CLEC20A: variants seen among roughly 807,000 people sequenced by gnomAD.
CLEC20A encodes putative C-type lectin domain family 20 member A.
chr1:178,479,788 C>A (rs1030560857), intron 7 of CLEC20A, 173 bp from the exon 8 acceptor site: 33 of 332,092 alleles, frequency 9.9e-5, no homozygotes, highest in East Asian at 1.3e-4. Flanking sequence ...TAGGAAAATA[C>A]ATAAATTAAT....
At chr1:178,482,093 CAAAA>C (rs959378665) in intron 7 of CLEC20A, 1 of 313,472 alleles carries the variant, frequency 3.2e-6, no homozygotes. Context: ...AAAAAAACAA[CAAAA>C]AAAAAAACTT....
At chr1:178,482,089 AC>A (rs145151605) in intron 7 of CLEC20A, 45 of 367,580 alleles carry the variant, frequency 1.2e-4, no homozygotes, top group African/African-American at 2.3e-4. Flanking sequence ...AAACAAAAAA[AC>A]AACAAAAAAA....
chr1:178,494,752 C>T lies in CLEC20A; in HGVS notation c.99G>A (p.Trp33Ter), dbSNP rs1649345821. The T allele has an allele frequency of 2.5e-6, 1 of 399,314 alleles. No individual in the cohort carries two copies. The highest frequency in any genetic ancestry group is 4.4e-5 in the Admixed American group (1 of 22,734). The allele number at this position is 399,314 out of a possible 1,614,324, so 24.7% of individuals were successfully genotyped here. A position where few individuals can be genotyped will look rare whatever the true frequency, so the allele number is the denominator to read the frequency against. ...GCCGGCAGTGCTGCTGGGCGTCGTA[C>T]CAGCTCAGCGCCTCCTTCACCAGAA... Residue 33 changes from tryptophan (W) to a stop codon, truncating the protein, a stop_gained, in exon 2 of 8, where the codon TGG becomes TGA. Coordinates refer to ENST00000623247, the Ensembl canonical transcript of CLEC20A. LOFTEE classifies it high-confidence loss of function.
At chr1:178,497,278 A>G (rs1649420783), upstream of CLEC20A, 1 of 282,248 alleles carries the variant, frequency 3.5e-6, no homozygotes, top group East Asian at 6.0e-5. Context: ...TCTCAGCCCC[A>G]CTCTCCCCAA....
chr1:178,484,185 C>T (rs936265156), intron 5 of CLEC20A: 3 of 152,114 alleles, frequency 2.0e-5, no homozygotes, highest in African/African-American at 7.2e-5. Context: ...ATGTGTGTAC[C>T]TCATATTACT....
At chr1:178,489,205 A>C (rs1558028842) in intron 4 of CLEC20A, among the ~76,000 whole-genome samples, 1 of 152,212 alleles carries the variant, frequency 6.6e-6, no homozygotes, top group East Asian at 1.9e-4. Context: ...TCTACCAAAA[A>C]TACAAAAATT....
intron 5 of CLEC20A, among the ~76,000 whole-genome samples, chr1:178,485,126 T>C (rs1247826710): frequency 6.6e-6 from 1 of 152,260 alleles, no homozygotes; most frequent in Non-Finnish European, 1.5e-5. Context: ...TTCCTAAGCA[T>C]TGCTATTTCC....
intron 3 of CLEC20A, among the ~76,000 whole-genome samples, chr1:178,492,135 A>G (rs1649279049): frequency 6.6e-6 from 1 of 152,198 alleles, no homozygotes; most frequent in East Asian, 1.9e-4. Context: ...AATACAAAAA[A>G]TTAGCTGGGC....
intron 2 of CLEC20A, 114 bp from the exon 3 acceptor site, chr1:178,492,680 C>T: frequency 2.5e-6 from 1 of 397,922 alleles, no homozygotes; most frequent in Admixed American, 4.4e-5. Flanking sequence ...GCTGGTCCAT[C>T]CCTTTCCACA....
intron 5 of CLEC20A, among the ~76,000 whole-genome samples, chr1:178,487,291 A>G (rs1186795991): frequency 6.6e-6 from 1 of 152,172 alleles, no homozygotes; most frequent in Non-Finnish European, 1.5e-5. Flanking sequence ...TAGACCTTAG[A>G]TGAGAAGACA....
intron 2 of CLEC20A, among the ~76,000 whole-genome samples, 172 bp from the exon 3 acceptor site, chr1:178,492,738 T>C (rs554574119): frequency 4.1e-4 from 63 of 152,314 alleles, no homozygotes; most frequent in African/African-American, 1.5e-3. Flanking sequence ...GTGTCGCAGA[T>C]GCTATTCTAC....
intron 5 of CLEC20A, chr1:178,484,152 G>GT (rs1195902674): frequency 2.0e-5 from 3 of 152,162 alleles, no homozygotes; most frequent in Non-Finnish European, 2.9e-5. Flanking sequence ...ACAAACAACC[G>GT]TGTGTGTGGA....
chr1:178,482,491 G>A (rs1649015728), intron 6 of CLEC20A, 94 bp from the exon 7 acceptor site: 1 of 397,234 alleles, frequency 2.5e-6, no homozygotes, highest in Non-Finnish European at 4.4e-6. Flanking sequence ...CACCATAGAT[G>A]CTACATGTTG....
At chr1:178,493,212 A>T (rs1649306118) in intron 2 of CLEC20A, among the ~76,000 whole-genome samples, 8 of 152,054 alleles carry the variant, frequency 5.3e-5, no homozygotes. Flanking sequence ...CGCCATACGC[A>T]CACCCCTCCC....
At chr1:178,480,965 C>G (rs1648957525) in intron 7 of CLEC20A, 1 of 151,942 alleles carries the variant, frequency 6.6e-6, no homozygotes, top group Non-Finnish European at 1.5e-5. Flanking sequence ...AGGTTCTTAA[C>G]TTTTCTTGAC....
chr1:178,478,885 TG>T (rs1648858949), downstream of CLEC20A: 3 of 152,232 alleles, frequency 2.0e-5, no homozygotes, highest in Non-Finnish European at 4.4e-5. Flanking sequence ...TTTGACATAT[TG>T]CTGTCTTCTA....
exon 8 of CLEC20A, chr1:178,479,547 C>T (rs1030778336): frequency 1.0e-5 from 4 of 398,292 alleles, no homozygotes; most frequent in Non-Finnish European, 1.3e-5. Context: ...ATTTTTTGTT[C>T]ACTTCGAAGC....
exon 3 of CLEC20A, chr1:178,492,556 G>A (rs1649289745): frequency 5.0e-6 from 2 of 398,626 alleles, no homozygotes; most frequent in Non-Finnish European, 4.4e-6. Context: ...TGAGGTGCCC[G>A]ACGTCAGGGT....
At chr1:178,482,709 C>G (rs1649021884) in intron 6 of CLEC20A, 1 of 237,590 alleles carries the variant, frequency 4.2e-6, no homozygotes, top group South Asian at 1.8e-4. Flanking sequence ...AGTAGATACT[C>G]CACACCATGC....
Sources: allele counts gnomAD v4.1 joint callset (sites outside exome capture counted in the v4.1 genomes callset), GRCh38; gene constraint gnomAD v4.1.1; transcripts MANE v1.5; gene names NCBI Gene and HGNC (gene_info 2026-07-23, HGNC 2026-07-21).